Variants in DSCAM observed in about 807,000 individuals in gnomAD.
DSCAM encodes the protein cell adhesion molecule DSCAM.
DSCAM carries 47 observed loss-of-function variants against 217.7 expected under a neutral mutation model. That is an observed-to-expected ratio of 0.22 (90% CI 0.17 to 0.28). The LOEUF is 0.28. Ranked by LOEUF, DSCAM falls within the 10% of genes least tolerant of loss-of-function variation. The pLI, the probability that DSCAM is intolerant of heterozygous loss-of-function variation, is 1.00. For synonymous variants in DSCAM, 1,056 were observed against 1,015.3 expected, an observed-to-expected ratio of 1.04 and a Z score of -0.76; for missense variants, 2,080 against 2,618.3, an observed-to-expected ratio of 0.79 and a Z score of 4.49.
chr21:40,577,296 TACCAGA>T (rs1001549583), intron 3 of DSCAM, among the ~76,000 whole-genome samples: 2 of 150,462 alleles, frequency 1.3e-5, no homozygotes, highest in Non-Finnish European at 2.9e-5. Flanking sequence ...GCTTCCCTCT[TACCAGA>T]ACCAGAACAA....
chr21:40,757,140 T>C (rs890355959), intron 1 of DSCAM, among the ~76,000 whole-genome samples: 3 of 152,058 alleles, frequency 2.0e-5, no homozygotes, highest in African/African-American at 4.8e-5. Context: ...TTCTCCTGCT[T>C]AGCCTCCCAA....
chr21:40,438,695 G>A (rs1048145072), intron 3 of DSCAM, among the ~76,000 whole-genome samples: 1 of 152,134 alleles, frequency 6.6e-6, no homozygotes, highest in South Asian at 2.1e-4. Context: ...TAAGGAATGA[G>A]GACTGATTGA....
rs566046380 is a variant in DSCAM at position 40,180,892 on chromosome 21, TG to T, written c.2780-1799del. Among the ~76,000 whole-genome samples the T allele has an allele frequency of 3.9e-3, 590 of 152,138 alleles. 2 individuals are homozygous for T. Among genetic ancestry groups the T allele is most frequent in the Non-Finnish European group, 5.7e-3 (387 of 67,986 alleles). On this transcript the variant is annotated intron_variant, in intron 14 of 32. Transcript: ENST00000400454. ...GGGACAGTCCCCTCTTGGTGGTCAC[TG>T]GGCACCTCCACATCCATGCCCTATA...
chr21:40,576,082 T>A (rs2076848232), intron 3 of DSCAM, among the ~76,000 whole-genome samples: 1 of 105,806 alleles, frequency 9.5e-6, no homozygotes, highest in Non-Finnish European at 2.2e-5. Context: ...AAGTTAAACA[T>A]GCCATCCCAC....
At chr21:40,647,131 C>T (rs912211045) in intron 3 of DSCAM, among the ~76,000 whole-genome samples, 57 of 152,190 alleles carry the variant, frequency 3.7e-4, no homozygotes, top group African/African-American at 1.3e-3. Flanking sequence ...TATTGGTGGC[C>T]GAATTGGAGG....
chr21:40,063,457 G>C (rs552363081), intron 27 of DSCAM, among the ~76,000 whole-genome samples: 2 of 150,930 alleles, frequency 1.3e-5, no homozygotes, highest in Non-Finnish European at 2.9e-5. Flanking sequence ...TACCACTCTT[G>C]ACAGAAGGAA....
chr21:40,388,377 A>G (rs2075105295), intron 3 of DSCAM, among the ~76,000 whole-genome samples: 1 of 152,160 alleles, frequency 6.6e-6, no homozygotes, highest in Non-Finnish European at 1.5e-5. Flanking sequence ...TGGGAGGGAG[A>G]TCACAGCAGA....
chr21:40,187,817 G>T, intron 13 of DSCAM, 74 bp downstream of exon 13: 2 of 1,292,932 alleles, frequency 1.5e-6, no homozygotes, highest in Non-Finnish European at 1.1e-6. Context: ...AGGACACAGA[G>T]ATGCCTGAGG....
intron 1 of DSCAM, among the ~76,000 whole-genome samples, chr21:40,778,565 A>T (rs1320281548): frequency 6.6e-6 from 1 of 152,206 alleles, no homozygotes; most frequent in Non-Finnish European, 1.5e-5. Flanking sequence ...TTTCCAAGGT[A>T]ACATCTAAAT....
At chr21:40,083,119 C>T (rs960582758) in intron 24 of DSCAM, among the ~76,000 whole-genome samples, 2 of 152,228 alleles carry the variant, frequency 1.3e-5, no homozygotes, top group Admixed American at 6.5e-5. Context: ...AACGACCATG[C>T]TCACTCCTTC....
chr21:40,681,957 C>T (rs2090405512), intron 3 of DSCAM, among the ~76,000 whole-genome samples: 1 of 152,154 alleles, frequency 6.6e-6, no homozygotes, highest in South Asian at 2.1e-4. Flanking sequence ...CAGAGACCCT[C>T]CCCGCAGCCC....
chr21:40,495,739 T>C (rs539455692), intron 3 of DSCAM, among the ~76,000 whole-genome samples: 4 of 152,238 alleles, frequency 2.6e-5, no homozygotes, highest in South Asian at 2.1e-4. Context: ...AGAAGTTAAA[T>C]TGTCACTGTT....
At chr21:40,461,040 T>C (rs1320710052) in intron 3 of DSCAM, among the ~76,000 whole-genome samples, 1 of 152,174 alleles carries the variant, frequency 6.6e-6, no homozygotes, top group Non-Finnish European at 1.5e-5. Context: ...GCAAAAGAAT[T>C]GAACACAAAA....
chr21:40,669,111 C>T (rs2090239143), intron 3 of DSCAM, among the ~76,000 whole-genome samples: 3 of 152,110 alleles, frequency 2.0e-5, no homozygotes, highest in South Asian at 2.1e-4. Flanking sequence ...ATATTTCTTG[C>T]ATCACTTAGT....
At chr21:40,782,760 A>G (rs2091559484) in intron 1 of DSCAM, among the ~76,000 whole-genome samples, 1 of 152,216 alleles carries the variant, frequency 6.6e-6, no homozygotes. Flanking sequence ...TAAATAAAAA[A>G]AAATCACTTT....
chr21:40,176,025 G>T (rs2090726004), intron 15 of DSCAM, among the ~76,000 whole-genome samples: 1 of 151,674 alleles, frequency 6.6e-6, no homozygotes, highest in Non-Finnish European at 1.5e-5. Flanking sequence ...GGACAGCAGG[G>T]TCCATGAAGA....
intron 3 of DSCAM, among the ~76,000 whole-genome samples, chr21:40,567,932 GT>G (rs1266535640): frequency 2.0e-5 from 3 of 151,486 alleles, no homozygotes; most frequent in African/African-American, 7.3e-5. Flanking sequence ...TTGATCTAGT[GT>G]TTTTTTGTTT....
intron 3 of DSCAM, among the ~76,000 whole-genome samples, chr21:40,447,338 G>C (rs1384846586): frequency 2.0e-5 from 3 of 152,128 alleles, no homozygotes; most frequent in Non-Finnish European, 4.4e-5. Context: ...AAAAGGTCTA[G>C]GATAAGTAAA....
chr21:40,369,048 A>C, intron 4 of DSCAM, 51 bp downstream of exon 4: 1 of 1,530,276 alleles, frequency 6.5e-7, no homozygotes, highest in Non-Finnish European at 8.8e-7. Flanking sequence ...GTCTCAGGAC[A>C]CTAACAAAGA....
Sources: allele counts gnomAD v4.1 joint callset (sites outside exome capture counted in the v4.1 genomes callset), GRCh38; gene constraint gnomAD v4.1.1; transcripts MANE v1.5; gene names NCBI Gene and HGNC (gene_info 2026-07-23, HGNC 2026-07-21).